SPAG1: variants seen among roughly 807,000 people sequenced by gnomAD.
SPAG1 encodes the protein sperm associated antigen 1.
SPAG1 carries 69 observed loss-of-function variants against 100.5 expected under a neutral mutation model. That is an observed-to-expected ratio of 0.69 (90% CI 0.57 to 0.84). SPAG1 has a LOEUF of 0.84. Among genes scored for constraint, SPAG1 ranks in the 40% least tolerant of loss-of-function variants. The probability of loss-of-function intolerance (pLI) is 0.00; values close to 1 mark genes in which losing one functional copy is unlikely to be tolerated. For missense variants in SPAG1, 955 were observed against 1,133.1 expected, an observed-to-expected ratio of 0.84 and a Z score of 2.26; for synonymous variants, 336 against 411.6, an observed-to-expected ratio of 0.82 and a Z score of 2.22.
chr8:100,209,522 G>T (rs1817636085), intron 10 of SPAG1, among the ~76,000 whole-genome samples: 2 of 150,898 alleles, frequency 1.3e-5, no homozygotes, highest in African/African-American at 4.9e-5. Context: ...AATATTGTAT[G>T]AATTTAAGGA....
rs1200818179 is a variant in SPAG1 at position 100,160,371 on chromosome 8, G to A, written c.-3+1755G>A. On this transcript the variant is annotated intron_variant, in intron 1 of 18. Coordinates refer to ENST00000388798, the MANE Select transcript of SPAG1 (RefSeq NM_003114.5). ...GCACGGCACGGTGGCTCACGCCTGT[G>A]ATCCCAGCACTTTGGGAGGCCAAGG... Among the ~76,000 whole-genome samples the A allele has an allele frequency of 2.6e-5, 4 of 152,208 alleles. No homozygotes were observed. The East Asian group carries it at 5.8e-4, about 22-fold the overall frequency.
intron 12 of SPAG1, among the ~76,000 whole-genome samples, chr8:100,215,226 C>T (rs1437253934): frequency 5.3e-5 from 8 of 151,678 alleles, no homozygotes; most frequent in East Asian, 1.9e-4. Context: ...TATACAGCTT[C>T]GTACCCCTCG....
At chr8:100,206,075 A>C (rs1817504562) in intron 10 of SPAG1, among the ~76,000 whole-genome samples, 2 of 143,770 alleles carry the variant, frequency 1.4e-5, no homozygotes, top group Admixed American at 1.4e-4. Flanking sequence ...AGGGGTGGTG[A>C]GTCCCATCAC....
intron 12 of SPAG1, among the ~76,000 whole-genome samples, chr8:100,216,816 A>G (rs1563803313): frequency 1.3e-5 from 2 of 152,156 alleles, no homozygotes; most frequent in South Asian, 2.1e-4. Flanking sequence ...TTTCAGCTCA[A>G]GTGACTATAT....
chr8:100,180,912 C>T (rs893850415), intron 4 of SPAG1, among the ~76,000 whole-genome samples: 2 of 152,134 alleles, frequency 1.3e-5, no homozygotes, highest in Non-Finnish European at 2.9e-5. Flanking sequence ...TTTAAAATTG[C>T]ATAATGAAAT....
intron 3 of SPAG1, 57 bp from the exon 4 acceptor site, chr8:100,177,758 TC>T: frequency 9.3e-7 from 1 of 1,069,908 alleles, no homozygotes; most frequent in Non-Finnish European, 1.3e-6. Flanking sequence ...TATAGTTCTT[TC>T]TTATGCTTGG....
intron 9 of SPAG1, among the ~76,000 whole-genome samples, chr8:100,192,874 G>A (rs1025825296): frequency 2.0e-5 from 3 of 152,084 alleles, no homozygotes; most frequent in African/African-American, 7.2e-5. Context: ...ACAGGTGCAC[G>A]CCACCTCCCA....
At position 100,239,087 on chromosome 8, in the gene SPAG1, A is replaced by C. The variant is rs891045051; in HGVS notation, c.2116-153A>C. On this transcript the variant is annotated intron_variant, in intron 16 of 18. Coordinates refer to ENST00000388798, the MANE Select transcript of SPAG1 (RefSeq NM_003114.5). The surrounding 1 kb of genome is among the most constrained non-coding windows in gnomAD (Gnocchi z 5.0). ...TCATGGGTTATACTATTTCAGCTGC[A>C]TATTCACCCCACAGGCTCACTTTGT... Among the ~76,000 whole-genome samples the C allele has an allele frequency of 6.6e-6, 1 of 152,186 alleles. No homozygotes were observed. The highest frequency in any genetic ancestry group is 1.5e-5 in the Non-Finnish European group (1 of 68,014).
intron 3 of SPAG1, among the ~76,000 whole-genome samples, chr8:100,174,920 C>T (rs1309290183): frequency 2.0e-5 from 3 of 151,130 alleles, no homozygotes; most frequent in East Asian, 1.9e-4. Context: ...TATGAAATCC[C>T]GGACAACATC....
Position 100,213,924 on chromosome 8 carries a change from C to G in SPAG1, c.1535+6C>G. The G allele has an allele frequency of 5.3e-6, 8 of 1,505,858 alleles. No homozygotes were observed. The highest frequency in any genetic ancestry group is 6.4e-6 in the Non-Finnish European group (7 of 1,088,132). The allele number at this position is 1,505,858 out of a possible 1,614,324, so 93.3% of individuals were successfully genotyped here. On this transcript the variant is annotated splice_donor_region_variant and intron_variant, in intron 12 of 18. Transcript: ENST00000388798. ...TGCATTCAAGATTGTAACAGGTAAA[C>G]TGCACGTTTTCAGGTTTGTCAAGAG...
rs764375322 is a variant in SPAG1, at chr8:100,191,407, A to G, written c.850A>G (p.Thr284Ala). Residue 284 changes from threonine (T) to alanine (A), a missense_variant, in exon 9 of 19, where the codon ACT (threonine) becomes GCT (alanine). Physicochemically the swap from Thr to Ala is moderately conservative, Grantham distance 58 (BLOSUM62 0). Transcript: ENST00000388798. ...ATTTTCAGCTCTTCTGCGTCGTGCT[A>G]CTACATATAAACATCAAAACAAGCT... Reference protein sequence around the residue: ...GNVKALLRRATTYKHQNKLRE... With the variant: ...GNVKALLRRAATYKHQNKLRE... 6.2e-7 allele frequency: 1 copy of G among 1,613,224 alleles called. No individual in the cohort carries two copies.
chr8:100,206,561 A>T (rs1817526008), intron 10 of SPAG1, among the ~76,000 whole-genome samples: 1 of 152,214 alleles, frequency 6.6e-6, no homozygotes, highest in South Asian at 2.1e-4. Flanking sequence ...AATAAATCCA[A>T]CTAAAATTCA....
intron 1 of SPAG1, 25 bp from the exon 2 acceptor site, chr8:100,162,254 A>G (rs374168274): frequency 7.8e-5 from 120 of 1,529,362 alleles, no homozygotes; most frequent in Non-Finnish European, 9.7e-5. Context: ...CATTAGATTA[A>G]TAACTTTTAA....
chr8:100,213,347 G>A lies in SPAG1; in HGVS notation c.1354G>A (p.Gly452Ser). ...AENPAGLKSQ[G>S]NELFRSGQFA... ...GAACCCTGCCGGCCTGAAGAGCCAG[G>A]GCAACGAGCTGTTCCGAAGCGGGCA... The change falls in exon 11 of 19, where the codon GGC becomes AGC. Residue 452 changes from glycine to serine, a missense_variant. Transcript: ENST00000388798. 1.4e-6 allele frequency: 2 copies of A among 1,399,360 alleles called. No homozygotes were observed. Among genetic ancestry groups the A allele is most frequent in the Non-Finnish European group, 1.9e-6 (2 of 1,071,560 alleles). The allele number at this position is 1,399,360 out of a possible 1,614,324, so 86.7% of individuals were successfully genotyped here. A position where few individuals can be genotyped will look rare whatever the true frequency, so the allele number is the denominator to read the frequency against.
intron 13 of SPAG1, among the ~76,000 whole-genome samples, chr8:100,222,358 G>A (rs866394166): frequency 1.1e-4 from 17 of 152,108 alleles, no homozygotes; most frequent in Admixed American, 2.0e-4. Context: ...AGCTGTAGCC[G>A]GTGTTCCCTG....
chr8:100,202,635 G>A (rs1323347583), intron 10 of SPAG1, among the ~76,000 whole-genome samples: 6 of 146,980 alleles, frequency 4.1e-5, no homozygotes, highest in Admixed American at 1.4e-4. Context: ...GCGTGAACCC[G>A]GGAGGCGGAG....
At chr8:100,189,886 A>G (rs181731468) in intron 8 of SPAG1, among the ~76,000 whole-genome samples, 6 of 152,354 alleles carry the variant, frequency 3.9e-5, no homozygotes, top group Admixed American at 3.9e-4. Flanking sequence ...GCAGTGCTAC[A>G]ATTTTAATTA....
Position 100,240,933 on chromosome 8 carries a change from G to A in SPAG1, c.2692G>A (p.Glu898Lys), listed in dbSNP as rs1586571839. ...TAGCAAGGGCCAAAAGGAGCTAATT[G>A]AACAGCTGTTTGAGGACCTTTCGGA... ...LISKGQKELI[E>K]QLFEDLSDTP... The change falls in exon 19 of 19, where the codon GAA becomes AAA. Residue 898 changes from glutamate (E) to lysine (K), a missense_variant. Glu to Lys is a moderately conservative substitution (Grantham distance 56). Coordinates refer to ENST00000388798, the MANE Select transcript of SPAG1 (RefSeq NM_003114.5). 6.3e-7 allele frequency: 1 copy of A among 1,598,898 alleles called. No homozygotes were observed.
chr8:100,227,763 G>A (rs1818578580), intron 14 of SPAG1, among the ~76,000 whole-genome samples: 1 of 150,984 alleles, frequency 6.6e-6, no homozygotes, highest in African/African-American at 2.4e-5. Flanking sequence ...AAATTTTTCA[G>A]CAAAATCTTC....
Sources: gnomAD v4.1 joint callset for allele counts (sites outside exome capture counted in the v4.1 genomes callset) on GRCh38, gnomAD v4.1.1 for gene constraint, Gnocchi (gnomAD v3.1) non-coding constraint, MANE v1.5 for transcripts, NCBI Gene and HGNC (gene_info 2026-07-23, HGNC 2026-07-21) for gene names.